KCNQ2: variants seen among roughly 807,000 people sequenced by gnomAD.
The protein encoded by KCNQ2 is potassium voltage-gated channel subfamily KQT member 2.
In KCNQ2, 14 loss-of-function variants were observed where a neutral mutation model predicts 84.8. The ratio of observed to expected loss-of-function variants is 0.17; its 90% CI spans 0.11 to 0.26. The LOEUF is 0.26. Ranked by LOEUF, KCNQ2 falls within the 10% of genes least tolerant of loss-of-function variation. KCNQ2 has a pLI of 1.00. For missense variants in KCNQ2, 788 were observed against 1,254.0 expected (o/e 0.63, Z 5.61); for synonymous variants, 599 against 554.1 (o/e 1.08, Z -1.14).
At chr20:63,413,360 C>A (rs781428294) in intron 15 of KCNQ2, 90 bp downstream of exon 15, 1 of 1,535,410 alleles carries the variant, frequency 6.5e-7, no homozygotes. Context: ...CCACACACCC[C>A]CTGCACTCCC....
intron 1 of KCNQ2, among the ~76,000 whole-genome samples, chr20:63,464,830 G>A (rs2082042519): frequency 6.6e-6 from 1 of 152,162 alleles, no homozygotes; most frequent in Non-Finnish European, 1.5e-5. Flanking sequence ...ACTCTCCCAG[G>A]TGGGACTGAG....
chr20:63,419,854 A>G (rs1211974128), intron 11 of KCNQ2, among the ~76,000 whole-genome samples, 182 bp from the exon 12 acceptor site: 1 of 151,356 alleles, frequency 6.6e-6, no homozygotes, highest in Non-Finnish European at 1.5e-5. Context: ...AGAAGAAAAC[A>G]CTTCCCTATT....
chr20:63,413,611 C>T lies in KCNQ2; in HGVS notation c.1632-30G>A, dbSNP rs762138535. ...AGGGGGGTGGGTGGGGCTGTGAGCC[C>T]TGGGCCAGAGACCCCCGGCCACAGG... On this transcript the variant is annotated intron_variant, in intron 14 of 16. Transcript: ENST00000359125. 1.9e-6 allele frequency: 3 copies of T among 1,608,964 alleles called. No homozygotes were observed. The Admixed American group carries it at 5.0e-5, about 27-fold the overall frequency.
intron 5 of KCNQ2, 64 bp downstream of exon 5, chr20:63,442,342 G>A: frequency 1.2e-6 from 2 of 1,612,186 alleles, no homozygotes; most frequent in Non-Finnish European, 1.7e-6. Context: ...TGAGAGCCTG[G>A]TCCCAGCACA....
In KCNQ2 at chr20:63,414,877, C is replaced by T. The variant is rs766083905; in HGVS notation, c.1525+26G>A. ...CACATCCATCCCCGGAGAGGATGGA[C>T]CAGGAGAGGATGCGGCCACACCCAC... On this transcript the variant is annotated intron_variant, in intron 13 of 16. Coordinates refer to ENST00000359125, the MANE Select transcript of KCNQ2 (RefSeq NM_172107.4). The surrounding 1 kb of genome is among the most constrained non-coding windows in gnomAD (Gnocchi z 6.6). 1.9e-5 allele frequency: 31 copies of T among 1,606,788 alleles called. No homozygotes were observed. The highest frequency in any genetic ancestry group is 2.4e-5 in the Non-Finnish European group (28 of 1,175,654).
At chr20:63,441,990 C>A (rs77087142) in intron 5 of KCNQ2, among the ~76,000 whole-genome samples, 3 of 152,282 alleles carry the variant, frequency 2.0e-5, no homozygotes, top group Non-Finnish European at 4.4e-5. Context: ...CAGATCTGTT[C>A]AGACCTGATC....
intron 12 of KCNQ2, among the ~76,000 whole-genome samples, chr20:63,418,273 C>T (rs2080360282): frequency 6.6e-6 from 1 of 152,230 alleles, no homozygotes; most frequent in South Asian, 2.1e-4. Context: ...GAGGGGCGTC[C>T]GTGGCACCTA....
intron 1 of KCNQ2, among the ~76,000 whole-genome samples, chr20:63,447,068 C>A (rs1466214405): frequency 6.6e-6 from 1 of 151,888 alleles, no homozygotes; most frequent in Non-Finnish European, 1.5e-5. Context: ...GGCAGCTGCC[C>A]CCTCTATGCG....
intron 11 of KCNQ2, among the ~76,000 whole-genome samples, chr20:63,420,021 C>A (rs887078257): frequency 4.6e-5 from 7 of 152,254 alleles, no homozygotes; most frequent in African/African-American, 1.7e-4. Flanking sequence ...CGCAGAAGCC[C>A]TGCTTGGGAA....
chr20:63,407,241 T>C lies in KCNQ2; in HGVS notation c.2022A>G (p.Glu674=). 6.2e-7 allele frequency: 1 copy of C among 1,602,346 alleles called. No homozygotes were observed. Among genetic ancestry groups the C allele is most frequent in the South Asian group, 1.1e-5 (1 of 91,036 alleles). The part of the protein sequence containing the change: ...PEPAPPYHSP[E]DSREHVDRHG... Reference sequence around the variant, plus strand: ...GCCTGTCGACATGCTCCCGGCTGTCTTCCGGGCTGTGGTACGGCGGCGCCG... The same window carrying C: ...GCCTGTCGACATGCTCCCGGCTGTCCTCCGGGCTGTGGTACGGCGGCGCCG... Residue 674 remains glutamate, a synonymous_variant, in exon 17 of 17, where the codon GAA becomes GAG. Coordinates refer to ENST00000359125, the MANE Select transcript of KCNQ2 (RefSeq NM_172107.4). This position sits in a 1 kb window ranked among gnomAD's most constrained non-coding sequence, Gnocchi z 7.2.
intron 5 of KCNQ2, among the ~76,000 whole-genome samples, chr20:63,440,032 G>A (rs1449288461): frequency 6.6e-6 from 1 of 152,252 alleles, no homozygotes; most frequent in Non-Finnish European, 1.5e-5. Flanking sequence ...CCCGCCAGGT[G>A]AAGAGTGCAG....
At chr20:63,439,246 G>C (rs1481082597) in intron 6 of KCNQ2, among the ~76,000 whole-genome samples, 1 of 152,208 alleles carries the variant, frequency 6.6e-6, no homozygotes, top group East Asian at 1.9e-4. Context: ...TCACTGCCTA[G>C]AGACCCATGA....
chr20:63,453,542 G>A (rs1334200420), intron 1 of KCNQ2: 1 of 152,360 alleles, frequency 6.6e-6, no homozygotes, highest in Non-Finnish European at 1.5e-5. Flanking sequence ...AGGAGCAGGG[G>A]AGGACGCGGG....
chr20:63,419,497 G>GTGGGTCAGAATTGGGGT, intron 12 of KCNQ2, 122 bp downstream of exon 12: 2 of 955,598 alleles, frequency 2.1e-6, no homozygotes. Context: ...CGCCAGGGCG[G>GTGGGTCAGAATTGGGGT]TGGGTCAGAA....
At chr20:63,437,849 AC>A (rs1200223672) in intron 7 of KCNQ2, among the ~76,000 whole-genome samples, 8 of 152,018 alleles carry the variant, frequency 5.3e-5, no homozygotes, top group African/African-American at 1.4e-4. Context: ...TCGCTCTGTC[AC>A]CCAGGCTGGA....
chr20:63,408,855 C>T lies in KCNQ2; in HGVS notation c.1764-319G>A, dbSNP rs1172124752. Among the ~76,000 whole-genome samples the T allele has an allele frequency of 6.6e-6, 1 of 152,220 alleles. No homozygotes were observed. Among genetic ancestry groups the T allele is most frequent in the Non-Finnish European group, 1.5e-5 (1 of 68,020 alleles). ...GTGGGCTCCCGGCTCCATACCGCCC[C>T]CTCCAGCCAGCCCCACCTGCTCACC... On this transcript the variant is annotated intron_variant, in intron 15 of 16. Transcript: ENST00000359125. The surrounding 1 kb of genome is among the most constrained non-coding windows in gnomAD (Gnocchi z 5.0).
At chr20:63,442,562 C>T (rs762526600) in intron 4 of KCNQ2, 31 bp from the exon 5 acceptor site, 2 of 1,580,508 alleles carry the variant, frequency 1.3e-6, no homozygotes, top group African/African-American at 2.7e-5. Context: ...CCATCATGAC[C>T]ACCATCACCA....
At chr20:63,418,871 C>A (rs113922829) in intron 12 of KCNQ2, among the ~76,000 whole-genome samples, 6,399 of 152,180 alleles carry the variant, frequency 0.042, 456 homozygotes, top group African/African-American at 0.15. Flanking sequence ...GCAGCCCCAC[C>A]AGCCCTCCAA....
rs963409052 is a variant in KCNQ2, at chr20:63,438,923, C to T, written c.928-203G>A. Among the ~76,000 whole-genome samples the T allele has an allele frequency of 1.3e-5, 2 of 151,858 alleles. No individual in the cohort carries two copies. Among genetic ancestry groups the T allele is most frequent in the African/African-American group, 4.8e-5 (2 of 41,324 alleles). ...CCCCCCAGTTCATCAGGGTCAGACC[C>T]GTCTCCACCGATCCATGCCTCCCCC... On this transcript the variant is annotated intron_variant, in intron 6 of 16. Transcript: ENST00000359125. The surrounding 1 kb of genome is among the most constrained non-coding windows in gnomAD (Gnocchi z 5.1).
Sources: allele counts gnomAD v4.1 joint callset (sites outside exome capture counted in the v4.1 genomes callset), GRCh38; gene constraint gnomAD v4.1.1; non-coding constraint Gnocchi (gnomAD v3.1); transcripts MANE v1.5; gene names NCBI Gene and HGNC (gene_info 2026-07-23, HGNC 2026-07-21).